The following GRM1 variants were observed in gnomAD, a reference collection of about 807,000 sequenced individuals.
The protein encoded by GRM1 is glutamate metabotropic receptor 1, also known as metabotropic glutamate receptor 1.
GRM1 carries 33 observed loss-of-function variants against 90.9 expected under a neutral mutation model. The observed-to-expected ratio is 0.36, with a 90% CI of 0.28 to 0.49. The LOEUF (loss-of-function observed/expected upper bound fraction) is 0.49. GRM1 is among the 20% of genes least tolerant of loss of function. The pLI, the probability that GRM1 is intolerant of heterozygous loss-of-function variation, is 0.99. For missense variants in GRM1, 1,190 were observed against 1,534.3 expected (o/e 0.78, Z 3.75); for synonymous variants, 700 against 613.2 (o/e 1.14, Z -2.09).
chr6:146,412,563 G>C lies in GRM1; in HGVS notation c.2660+12864G>C, dbSNP rs143538987. On this transcript the variant is annotated intron_variant, in intron 7 of 7. Transcript: ENST00000282753. ...CTGTTCTAAGATATTGAATTATGTA[G>C]TAAGTAGATTTTAAGAATCAGCTCA... is the stretch of plus-strand genomic sequence containing the variant. Among the ~76,000 whole-genome samples the C allele has an allele frequency of 1.0e-3, 153 of 152,240 alleles. 1 individual carries two copies. The highest frequency in any genetic ancestry group is 3.6e-3 in the African/African-American group (148 of 41,542).
chr6:146,395,186 T>C (rs1251430196), intron 6 of GRM1, among the ~76,000 whole-genome samples: 1 of 152,102 alleles, frequency 6.6e-6, no homozygotes, highest in Non-Finnish European at 1.5e-5. Context: ...TTATTTACTT[T>C]TTAACTCTAT....
intron 2 of GRM1, among the ~76,000 whole-genome samples, chr6:146,242,513 A>C (rs2114737259): frequency 6.6e-6 from 1 of 152,250 alleles, no homozygotes. Context: ...ATCACATGCC[A>C]CCCACCCAGA....
chr6:146,323,906 A>G (rs551985933), intron 3 of GRM1, among the ~76,000 whole-genome samples: 9 of 152,238 alleles, frequency 5.9e-5, no homozygotes, highest in African/African-American at 2.2e-4. Flanking sequence ...AGTTGTAGAT[A>G]TGTGGCATTA....
chr6:146,139,167 T>C (rs1284406152), intron 1 of GRM1, among the ~76,000 whole-genome samples: 2 of 152,164 alleles, frequency 1.3e-5, no homozygotes, highest in Non-Finnish European at 2.9e-5. Context: ...TATTTCATTA[T>C]GGTCAAAGAA....
At chr6:146,125,470 C>G (rs937538623) in intron 1 of GRM1, among the ~76,000 whole-genome samples, 1 of 151,508 alleles carries the variant, frequency 6.6e-6, no homozygotes, top group Non-Finnish European at 1.5e-5. Flanking sequence ...TCTGCCCCCC[C>G]CTCAACTTTC....
chr6:146,258,559 G>C (rs1407600082), intron 2 of GRM1, among the ~76,000 whole-genome samples: 1 of 151,542 alleles, frequency 6.6e-6, no homozygotes, highest in Non-Finnish European at 1.5e-5. Context: ...TTGCTCTGTT[G>C]CCCAGGCTGT....
intron 1 of GRM1, among the ~76,000 whole-genome samples, chr6:146,140,095 T>TTCTTTCTTTC (rs1410163624): frequency 2.7e-5 from 2 of 75,364 alleles, no homozygotes; most frequent in Non-Finnish European, 5.6e-5. Context: ...TCTTTATTCT[T>TTCTTTCTTTC]TCTTTCTTTC....
At chr6:146,422,327 A>G (rs911245458) in intron 7 of GRM1, among the ~76,000 whole-genome samples, 3 of 152,208 alleles carry the variant, frequency 2.0e-5, no homozygotes, top group African/African-American at 7.2e-5. Context: ...GACATTCTTG[A>G]GTAAGGAAAG....
intron 2 of GRM1, among the ~76,000 whole-genome samples, chr6:146,271,308 T>C (rs1234855577): frequency 6.6e-6 from 1 of 151,698 alleles, no homozygotes; most frequent in Non-Finnish European, 1.5e-5. Context: ...CCGGCCAGAG[T>C]TTCATTTTTT....
At chr6:146,073,065 AGAT>A (rs1159818697) in intron 1 of GRM1, among the ~76,000 whole-genome samples, 2 of 151,894 alleles carry the variant, frequency 1.3e-5, no homozygotes, top group African/African-American at 2.4e-5. Flanking sequence ...TTTTGGGGGG[AGAT>A]GATGATGATT....
At chr6:146,235,142 T>C (rs904200994) in intron 2 of GRM1, among the ~76,000 whole-genome samples, 2 of 152,140 alleles carry the variant, frequency 1.3e-5, no homozygotes, top group African/African-American at 4.8e-5. Context: ...TCCCTCTCTT[T>C]CTCTCATTCT....
intron 1 of GRM1, among the ~76,000 whole-genome samples, chr6:146,096,938 A>G (rs1288173491): frequency 6.6e-6 from 1 of 152,094 alleles, no homozygotes; most frequent in Non-Finnish European, 1.5e-5. Flanking sequence ...TTTTTCACAG[A>G]TTGTTGCTTA....
intron 1 of GRM1, among the ~76,000 whole-genome samples, chr6:146,106,391 A>G (rs1775299362): frequency 6.6e-6 from 1 of 152,180 alleles, no homozygotes; most frequent in South Asian, 2.1e-4. Context: ...CATAGATAGT[A>G]GGAAATGAAT....
chr6:146,415,352 C>T (rs1212819873), intron 7 of GRM1, among the ~76,000 whole-genome samples: 1 of 152,156 alleles, frequency 6.6e-6, no homozygotes, highest in Non-Finnish European at 1.5e-5. Context: ...GTTAGGATTT[C>T]AATGCATAAA....
At chr6:146,123,701 C>G (rs1437201287) in intron 1 of GRM1, among the ~76,000 whole-genome samples, 1 of 152,002 alleles carries the variant, frequency 6.6e-6, no homozygotes, top group East Asian at 1.9e-4. Context: ...TTGTTAGTAG[C>G]CTTCCCTCAT....
chr6:146,397,396 T>C (rs576675133), intron 6 of GRM1, among the ~76,000 whole-genome samples: 24 of 137,742 alleles, frequency 1.7e-4, no homozygotes, highest in South Asian at 9.0e-4. Flanking sequence ...ATGGCGTGAA[T>C]CCAGGAGGCG....
intron 1 of GRM1, among the ~76,000 whole-genome samples, chr6:146,096,505 A>G (rs1179189880): frequency 6.6e-6 from 1 of 152,164 alleles, no homozygotes; most frequent in Non-Finnish European, 1.5e-5. Flanking sequence ...AATTTCTTAT[A>G]TGCAGTAATA....
chr6:146,213,547 G>C lies in GRM1; in HGVS notation c.950+53950G>C, dbSNP rs557810728. ...ACATATATTCCCACTGACTAGTTCA[G>C]TGCTTGAAATACAGTAGGCATTGAT... On this transcript the variant is annotated intron_variant, in intron 2 of 7. Transcript: ENST00000282753. 4.6e-5 allele frequency among the ~76,000 whole-genome samples: 7 copies of C among 152,272 alleles called. No individual in the cohort carries two copies. The South Asian group carries it at 6.2e-4, about 14-fold the overall frequency.
intron 2 of GRM1, among the ~76,000 whole-genome samples, chr6:146,290,554 C>T (rs1782944437): frequency 6.6e-6 from 1 of 152,142 alleles, no homozygotes; most frequent in Admixed American, 6.5e-5. Context: ...GGGAATTATT[C>T]CCAGGCTTTG....
Sources: allele counts gnomAD v4.1 joint callset (sites outside exome capture counted in the v4.1 genomes callset), GRCh38; gene constraint gnomAD v4.1.1; transcripts MANE v1.5; gene names NCBI Gene and HGNC (gene_info 2026-07-23, HGNC 2026-07-21).